ATXN1: variants seen among roughly 807,000 people sequenced by gnomAD.
ATXN1 encodes the protein ataxin-1.
Under a neutral mutation model 56.4 loss-of-function variants are expected in ATXN1, and 8 were observed. The observed-to-expected ratio is 0.14, with a 90% CI of 0.08 to 0.26. The LOEUF (loss-of-function observed/expected upper bound fraction) is 0.26, where lower values mean the gene tolerates loss of function less well. ATXN1 is among the 10% of genes least tolerant of loss of function. The pLI is 1.00. For missense variants in ATXN1, 987 were observed against 1,106.5 expected (o/e 0.89, Z 1.53); for synonymous variants, 514 against 494.6 (o/e 1.04, Z -0.52).
At chr6:16,380,478 T>C (rs1484613270) in intron 6 of ATXN1, among the ~76,000 whole-genome samples, 1 of 126,340 alleles carries the variant, frequency 7.9e-6, no homozygotes, top group Non-Finnish European at 1.5e-5. Flanking sequence ...TCCATGTGAC[T>C]TTTTTTTTTT....
chr6:16,456,046 C>T (rs1440664106), intron 6 of ATXN1, among the ~76,000 whole-genome samples: 1 of 152,174 alleles, frequency 6.6e-6, no homozygotes, highest in African/African-American at 2.4e-5. Context: ...GCGGGCCACC[C>T]CAGCCAGCAG....
At chr6:16,535,618 A>G (rs1253598065) in intron 4 of ATXN1, among the ~76,000 whole-genome samples, 1 of 152,248 alleles carries the variant, frequency 6.6e-6, no homozygotes, top group Non-Finnish European at 1.5e-5. Flanking sequence ...TGAGCAAAGG[A>G]GTTCTAAATA....
At position 16,337,002 on chromosome 6, in the gene ATXN1, C is replaced by A. The variant is rs147220757; in HGVS notation, c.-160-8532G>T. Among the ~76,000 whole-genome samples the A allele has an allele frequency of 5.9e-5, 9 of 152,294 alleles. No individual in the cohort carries two copies. The South Asian group carries it at 1.2e-3, about 21-fold the overall frequency. On this transcript the variant is annotated intron_variant, in intron 6 of 7. Transcript: ENST00000436367. ...GTGGTCGCTGGCTTGGGTAGCTCTG[C>A]GTCCAGTGGGGAGTTGTTCTTTGAT... is the stretch of plus-strand genomic sequence containing the variant.
intron 6 of ATXN1, among the ~76,000 whole-genome samples, chr6:16,465,530 G>C (rs148700579): frequency 1.1e-4 from 16 of 152,298 alleles, no homozygotes; most frequent in African/African-American, 3.4e-4. Flanking sequence ...AGGTTTGAAG[G>C]GCTAGAGGAG....
intron 7 of ATXN1, among the ~76,000 whole-genome samples, chr6:16,319,017 G>C (rs1760582927): frequency 6.6e-6 from 1 of 152,092 alleles, no homozygotes; most frequent in Admixed American, 6.5e-5. Context: ...AGGAGTTCAA[G>C]AGCAGCCTGG....
chr6:16,470,670 T>A (rs1760199372), intron 6 of ATXN1, among the ~76,000 whole-genome samples: 1 of 152,014 alleles, frequency 6.6e-6, no homozygotes, highest in South Asian at 2.1e-4. Flanking sequence ...GTTTGAAAAA[T>A]GACACCCAAA....
chr6:16,533,965 C>T (rs1057237708), intron 4 of ATXN1, among the ~76,000 whole-genome samples: 1 of 152,048 alleles, frequency 6.6e-6, no homozygotes, highest in Non-Finnish European at 1.5e-5. Context: ...AGCAGAATAA[C>T]GTTGAGTCAT....
intron 6 of ATXN1, among the ~76,000 whole-genome samples, chr6:16,353,678 A>C (rs562851594): frequency 1.3e-5 from 2 of 152,338 alleles, no homozygotes; most frequent in East Asian, 3.9e-4. Context: ...TGTCTCAAAA[A>C]AAGCAAAAAA....
At chr6:16,641,912 C>A (rs1182657725) in intron 3 of ATXN1, among the ~76,000 whole-genome samples, 1 of 152,166 alleles carries the variant, frequency 6.6e-6, no homozygotes, top group Non-Finnish European at 1.5e-5. Context: ...GAAGTTGATT[C>A]CAACCCCCAT....
intron 2 of ATXN1, among the ~76,000 whole-genome samples, chr6:16,661,537 T>C (rs563068353): frequency 2.6e-5 from 4 of 152,350 alleles, no homozygotes; most frequent in Admixed American, 6.5e-5. Flanking sequence ...CAGGATGGCT[T>C]CCAGTGATCC....
intron 4 of ATXN1, among the ~76,000 whole-genome samples, chr6:16,540,575 G>A (rs1404997740): frequency 6.6e-6 from 1 of 152,100 alleles, no homozygotes; most frequent in Non-Finnish European, 1.5e-5. Context: ...TGTACAGATT[G>A]GAGTACTGAG....
intron 6 of ATXN1, among the ~76,000 whole-genome samples, chr6:16,470,738 A>C (rs1760200626): frequency 6.6e-6 from 1 of 152,146 alleles, no homozygotes; most frequent in African/African-American, 2.4e-5. Flanking sequence ...CATGCTTGTA[A>C]TTTCAGCACT....
At chr6:16,683,811 G>A (rs953447774) in intron 2 of ATXN1, among the ~76,000 whole-genome samples, 1 of 152,142 alleles carries the variant, frequency 6.6e-6, no homozygotes, top group African/African-American at 2.4e-5. Flanking sequence ...CAGGATCCCT[G>A]CAACTTTCCC....
At chr6:16,408,563 G>C (rs913226937) in intron 6 of ATXN1, among the ~76,000 whole-genome samples, 3 of 151,774 alleles carry the variant, frequency 2.0e-5, no homozygotes, top group Non-Finnish European at 4.4e-5. Flanking sequence ...TCATCTGACA[G>C]GCACTAAGTG....
At chr6:16,399,316 C>T (rs1758519444) in intron 6 of ATXN1, among the ~76,000 whole-genome samples, 2 of 152,156 alleles carry the variant, frequency 1.3e-5, no homozygotes, top group Admixed American at 1.3e-4. Flanking sequence ...ATGGTGATGA[C>T]TTAAAATGAC....
At chr6:16,751,934 C>G (rs1245038944) in intron 2 of ATXN1, among the ~76,000 whole-genome samples, 1 of 152,194 alleles carries the variant, frequency 6.6e-6, no homozygotes, top group Non-Finnish European at 1.5e-5. Context: ...TAAGAAAGTT[C>G]TAATATTACC....
intron 6 of ATXN1, among the ~76,000 whole-genome samples, chr6:16,390,409 T>G (rs1253990765): frequency 6.6e-6 from 1 of 152,132 alleles, no homozygotes; most frequent in Non-Finnish European, 1.5e-5. Context: ...TCTCATACAC[T>G]GCACTGCCTT....
intron 6 of ATXN1, among the ~76,000 whole-genome samples, chr6:16,341,587 C>T (rs953775375): frequency 6.9e-6 from 1 of 145,210 alleles, no homozygotes; most frequent in Non-Finnish European, 1.5e-5. Flanking sequence ...GGCGTGATCT[C>T]GGCTCACTGC....
chr6:16,601,288 T>C (rs1445021488), intron 3 of ATXN1, among the ~76,000 whole-genome samples: 1 of 152,240 alleles, frequency 6.6e-6, no homozygotes, highest in Non-Finnish European at 1.5e-5. Context: ...TTAGCCTACA[T>C]CAAAAGCTAA....
Sources: allele counts gnomAD v4.1 joint callset (sites outside exome capture counted in the v4.1 genomes callset), GRCh38; gene constraint gnomAD v4.1.1; transcripts MANE v1.5; gene names NCBI Gene and HGNC (gene_info 2026-07-23, HGNC 2026-07-21).